Variants in TSGA10 observed in about 807,000 individuals in gnomAD.
The protein encoded by TSGA10 is testis-specific gene 10 protein.
A neutral mutation model predicts 96.6 loss-of-function variants in TSGA10; 43 were observed. The ratio of observed to expected loss-of-function variants is 0.44; its 90% CI spans 0.35 to 0.57. The LOEUF is 0.57. TSGA10 is among the 20% of genes least tolerant of loss of function. The pLI is 0.01. For synonymous variants in TSGA10, 229 were observed against 269.9 expected (o/e 0.85, Z 1.48); for missense variants, 703 against 834.4 (o/e 0.84, Z 1.94).
chr2:99,020,161 A>G (rs2079878259), intron 18 of TSGA10, 119 bp downstream of exon 18: 2 of 778,396 alleles, frequency 2.6e-6, no homozygotes, highest in South Asian at 1.9e-5. Flanking sequence ...AAATCACAGT[A>G]TTTCTGATCC....
intron 18 of TSGA10, among the ~76,000 whole-genome samples, chr2:99,019,001 C>T (rs1480788011): frequency 6.6e-6 from 1 of 152,126 alleles, no homozygotes; most frequent in Non-Finnish European, 1.5e-5. Flanking sequence ...AAATAATTAA[C>T]ACCGGAATTC....
chr2:99,055,647 CA>C, intron 16 of TSGA10, among the ~76,000 whole-genome samples: 1 of 151,712 alleles, frequency 6.6e-6, no homozygotes, highest in East Asian at 1.9e-4. Flanking sequence ...TAAAGCCAGG[CA>C]GAGTTCCTAC....
In TSGA10 at chr2:99,136,043, G is replaced by A. The variant is rs992592182; in HGVS notation, c.-620-8867C>T. ...AAAAGGGTCTGCATCATAGAGTTGC[G>A]TGAGGAGTAAATGAATTAATATATG... is the stretch of plus-strand genomic sequence containing the variant. On this transcript the variant is annotated intron_variant, in intron 1 of 20. Coordinates refer to ENST00000393483, the MANE Select transcript of TSGA10 (RefSeq NM_025244.4). Among the ~76,000 whole-genome samples, 6 of 145,040 alleles carry A rather than the reference G, an allele frequency of 4.1e-5. No homozygotes were observed. The East Asian group carries it at 6.3e-4, about 15-fold the overall frequency.
intron 17 of TSGA10, among the ~76,000 whole-genome samples, chr2:99,021,851 C>T (rs2080040247): frequency 6.6e-6 from 1 of 152,166 alleles, no homozygotes; most frequent in South Asian, 2.1e-4. Context: ...TGTTAATGAA[C>T]ATTACATTGG....
At chr2:99,028,721 A>C (rs1196271680) in intron 17 of TSGA10, among the ~76,000 whole-genome samples, 1 of 152,042 alleles carries the variant, frequency 6.6e-6, no homozygotes, top group African/African-American at 2.4e-5. Flanking sequence ...CTGATCCCAG[A>C]AGGGCTCTTG....
intron 17 of TSGA10, among the ~76,000 whole-genome samples, chr2:99,023,212 C>G (rs1558755627): frequency 6.6e-6 from 1 of 152,092 alleles, no homozygotes; most frequent in Non-Finnish European, 1.5e-5. Context: ...GTTGCCCAGG[C>G]TGGTCTTAAA....
intron 1 of TSGA10, among the ~76,000 whole-genome samples, chr2:99,144,091 G>A (rs1459902655): frequency 1.3e-5 from 2 of 152,034 alleles, no homozygotes; most frequent in South Asian, 2.1e-4. Context: ...CGCGATCTCC[G>A]CTCACTGGAA....
chr2:99,049,578 CA>C (rs1558845667), intron 16 of TSGA10, among the ~76,000 whole-genome samples: 1 of 151,796 alleles, frequency 6.6e-6, no homozygotes, highest in Non-Finnish European at 1.5e-5. Context: ...CGGGGCCTGT[CA>C]GGGGGTGGGA....
chr2:99,071,638 AGGGCT>A, intron 14 of TSGA10, 63 bp downstream of exon 14: 1 of 1,460,606 alleles, frequency 6.8e-7, no homozygotes, highest in Non-Finnish European at 9.3e-7. Context: ...AAATAAAATG[AGGGCT>A]GTTCCTCACA....
At chr2:99,105,313 T>C (rs1264341407) in intron 9 of TSGA10, 46 bp downstream of exon 9, 22 of 1,490,800 alleles carry the variant, frequency 1.5e-5, no homozygotes, top group Non-Finnish European at 1.6e-5. Context: ...GGAAAGCCAT[T>C]GAGTGTTTAT....
chr2:99,130,647 T>C (rs1490953972), intron 1 of TSGA10, among the ~76,000 whole-genome samples: 3 of 152,228 alleles, frequency 2.0e-5, no homozygotes, highest in Non-Finnish European at 4.4e-5. Context: ...TTTGTCAATT[T>C]TGGCTTTTCT....
At chr2:99,071,462 C>T (rs530182327) in intron 14 of TSGA10, among the ~76,000 whole-genome samples, 12 of 151,612 alleles carry the variant, frequency 7.9e-5, no homozygotes, top group Admixed American at 1.3e-4. Flanking sequence ...AATATTTATC[C>T]TTCAGCAAGG....
chr2:99,011,806 T>C (rs1012440352), intron 20 of TSGA10, among the ~76,000 whole-genome samples: 5 of 152,026 alleles, frequency 3.3e-5, no homozygotes, highest in African/African-American at 1.2e-4. Flanking sequence ...GGTTTGGAGA[T>C]CTAGACCTCC....
At chr2:99,063,763 G>A (rs546039554) in intron 16 of TSGA10, among the ~76,000 whole-genome samples, 3 of 125,020 alleles carry the variant, frequency 2.4e-5, no homozygotes, top group African/African-American at 3.8e-5. Flanking sequence ...CCAAGATCAC[G>A]CCACTGCACT....
At chr2:99,095,718 G>C (rs567384054) in intron 10 of TSGA10, among the ~76,000 whole-genome samples, 2 of 152,190 alleles carry the variant, frequency 1.3e-5, no homozygotes, top group South Asian at 2.1e-4. Flanking sequence ...TCGGCTCACT[G>C]CAACTTCTGA....
At chr2:99,120,699 A>C (rs770242191) in intron 2 of TSGA10, among the ~76,000 whole-genome samples, 19 of 152,228 alleles carry the variant, frequency 1.2e-4, no homozygotes, top group Non-Finnish European at 7.3e-5. Flanking sequence ...CATAAACAAC[A>C]TAGTATATCA....
chr2:99,022,247 G>T (rs2080096185), intron 17 of TSGA10, among the ~76,000 whole-genome samples: 1 of 145,358 alleles, frequency 6.9e-6, no homozygotes. Context: ...AATTGCTTGA[G>T]CCCAGAAGTT....
chr2:99,079,622 G>C (rs1010466109), intron 11 of TSGA10, among the ~76,000 whole-genome samples: 5 of 152,144 alleles, frequency 3.3e-5, no homozygotes, highest in Admixed American at 6.5e-5. Context: ...CCTACTCTAG[G>C]TATTAGATTT....
intron 17 of TSGA10, among the ~76,000 whole-genome samples, chr2:99,032,548 G>A (rs370301119): frequency 2.6e-5 from 4 of 152,210 alleles, no homozygotes; most frequent in African/African-American, 9.6e-5. Flanking sequence ...AGACTTTGGA[G>A]TTTCTCAAAA....
Sources: gnomAD v4.1 joint callset for allele counts (sites outside exome capture counted in the v4.1 genomes callset) on GRCh38, gnomAD v4.1.1 for gene constraint, MANE v1.5 for transcripts, NCBI Gene and HGNC (gene_info 2026-07-23, HGNC 2026-07-21) for gene names.